The following LEO1 variants were observed in gnomAD, a reference collection of about 807,000 sequenced individuals.
LEO1 encodes LEO1 component of Paf1/RNA polymerase II complex.
In LEO1, 34 loss-of-function variants were observed where a neutral mutation model predicts 80.4. That is an observed-to-expected ratio of 0.42 (90% CI 0.32 to 0.56). LEO1 has a LOEUF of 0.56. Ranked by LOEUF, LEO1 falls within the 20% of genes least tolerant of loss-of-function variation. LEO1 has a pLI of 0.10. For missense variants in LEO1, 631 were observed against 814.2 expected (o/e 0.77, Z 2.74); for synonymous variants, 262 against 274.9 (o/e 0.95, Z 0.46).
Position 51,966,431 on chromosome 15 carries a change from T to G in LEO1, c.132A>C (p.Glu44Asp). Residue 44 changes from glutamate to aspartate, a missense_variant, in exon 2 of 12, where the codon GAA becomes GAC. Transcript: ENST00000299601. ...AATCACCTCTTTCATCCTGATCACT[T>G]TCACTTCCAGAGGCATTACTGCCAG... is the stretch of plus-strand genomic sequence containing the variant. ...AASGSNASGS[E>D]SDQDERGDSG... The G allele has an allele frequency of 6.2e-7, 1 of 1,614,134 alleles. No homozygotes were observed. Among genetic ancestry groups the G allele is most frequent in the Non-Finnish European group, 8.5e-7 (1 of 1,179,980 alleles).
intron 2 of LEO1, 94 bp from the exon 3 acceptor site, chr15:51,962,587 C>A: frequency 2.7e-6 from 2 of 751,056 alleles, no homozygotes; most frequent in Non-Finnish European, 2.3e-6. Flanking sequence ...AATTGTGATA[C>A]AATGGACTAC....
chr15:51,943,740 T>A (rs2056876298), intron 11 of LEO1, among the ~76,000 whole-genome samples: 1 of 142,700 alleles, frequency 7.0e-6, no homozygotes, highest in African/African-American at 2.6e-5. Flanking sequence ...TAACAATGTA[T>A]TAGCAAGACA....
At chr15:51,967,766 C>T (rs556937562) in intron 1 of LEO1, among the ~76,000 whole-genome samples, 1 of 152,348 alleles carries the variant, frequency 6.6e-6, no homozygotes, top group East Asian at 1.9e-4. Context: ...AAAAGAAAGA[C>T]TGTCAACCAA....
intron 11 of LEO1, among the ~76,000 whole-genome samples, chr15:51,941,751 ACT>A (rs2056854899): frequency 6.6e-6 from 1 of 152,182 alleles, no homozygotes; most frequent in Non-Finnish European, 1.5e-5. Context: ...GGTAACTTAG[ACT>A]CTGTTGGAAA....
rs529824381 is a variant in LEO1, at chr15:51,944,120, G to C, written c.1896+3172C>G. Reference sequence around the variant, plus strand: ...ACACATCCAAGAAACTCAACAAATTGCAAGTAGAATAAATGCAAAGAGAAC... The same window carrying C: ...ACACATCCAAGAAACTCAACAAATTCCAAGTAGAATAAATGCAAAGAGAAC... On this transcript the variant is annotated intron_variant, in intron 11 of 11. Transcript: ENST00000299601. Among the ~76,000 whole-genome samples the C allele has an allele frequency of 1.2e-4, 18 of 152,286 alleles. No homozygotes were observed. The East Asian group carries it at 1.9e-3, about 16-fold the overall frequency.
At position 51,966,303 on chromosome 15, in the gene LEO1, C is replaced by G. The variant is rs759633387; in HGVS notation, c.260G>C (p.Arg87Thr). 1 of 1,614,164 alleles carries G rather than the reference C, an allele frequency of 6.2e-7. No individual in the cohort carries two copies. Among genetic ancestry groups the G allele is most frequent in the Non-Finnish European group, 8.5e-7 (1 of 1,180,028 alleles). Residue 87 changes from arginine (R) to threonine (T), a missense_variant, in exon 2 of 12, where the codon AGA (arginine) becomes ACA (threonine). Physicochemically the swap from Arg to Thr is moderately conservative, Grantham distance 71. Transcript: ENST00000299601. ...GTCAGAACGCTCAGAAGCTTCTGAT[C>G]TATTGTCTGATCTTTCAGAGTGATT... ...SDNHSERSDN[R>T]SEASERSDHE...
At chr15:51,939,036 T>C (rs2056825106) in intron 11 of LEO1, among the ~76,000 whole-genome samples, 3 of 151,984 alleles carry the variant, frequency 2.0e-5, no homozygotes. Flanking sequence ...AATACAAAAA[T>C]TAGCCAGGTG....
intron 10 of LEO1, among the ~76,000 whole-genome samples, chr15:51,949,569 G>T (rs533176960): frequency 3.3e-5 from 5 of 151,348 alleles, no homozygotes; most frequent in Non-Finnish European, 7.4e-5. Flanking sequence ...GTGTGGTGGC[G>T]CACACCTGTA....
chr15:51,965,864 T>C lies in LEO1; in HGVS notation c.699A>G (p.Glu233=). The C allele has an allele frequency of 6.2e-7, 1 of 1,614,122 alleles. No individual in the cohort carries two copies. Among genetic ancestry groups the C allele is most frequent in the South Asian group, 1.1e-5 (1 of 91,076 alleles). The change falls in exon 2 of 12, where the codon GAA becomes GAG. Residue 233 remains glutamate (E), a synonymous_variant. Transcript: ENST00000299601. ...DDEKQNSDDE[E]QPQLSDEEKM... ...TCTCTTCATCAGACAGCTGTGGTTG[T>C]TCTTCATCATCAGAATTCTGTTTCT...
intron 1 of LEO1, among the ~76,000 whole-genome samples, chr15:51,967,386 T>G (rs779317099): frequency 5.3e-5 from 8 of 152,114 alleles, no homozygotes; most frequent in Non-Finnish European, 1.0e-4. Flanking sequence ...AACAGGAAAA[T>G]CGCTTGGATC....
intron 6 of LEO1, among the ~76,000 whole-genome samples, chr15:51,958,448 G>A (rs780011192): frequency 1.3e-5 from 2 of 152,116 alleles, no homozygotes; most frequent in Admixed American, 6.6e-5. Context: ...GAGCAAGACC[G>A]TGTCTCAAAA....
chr15:51,964,197 C>A (rs1259130194), intron 2 of LEO1, among the ~76,000 whole-genome samples: 7 of 151,144 alleles, frequency 4.6e-5, no homozygotes, highest in Non-Finnish European at 8.9e-5. Context: ...CAGAGCGAGA[C>A]TCCGTCTCAA....
chr15:51,940,062 T>G (rs1404361785), intron 11 of LEO1, among the ~76,000 whole-genome samples: 1 of 143,336 alleles, frequency 7.0e-6, no homozygotes, highest in Admixed American at 7.0e-5. Flanking sequence ...GAAACCAGCC[T>G]GACCAAGACA....
intron 8 of LEO1, 167 bp from the exon 9 acceptor site, chr15:51,952,146 T>C (rs2056954366): frequency 1.9e-6 from 1 of 521,540 alleles, no homozygotes; most frequent in Admixed American, 3.7e-5. Flanking sequence ...GTGAGTTTTC[T>C]TCATTCTGTG....
intron 1 of LEO1, among the ~76,000 whole-genome samples, chr15:51,971,022 A>G (rs1320452816): frequency 6.6e-6 from 1 of 152,084 alleles, no homozygotes; most frequent in Non-Finnish European, 1.5e-5. Context: ...ATGCACATAC[A>G]CTAATTCATT....
intron 11 of LEO1, among the ~76,000 whole-genome samples, chr15:51,944,943 A>T (rs2056886481): frequency 6.6e-6 from 1 of 151,958 alleles, no homozygotes; most frequent in Admixed American, 6.6e-5. Context: ...CAAAGCCTCT[A>T]CTCTCTCAGC....
chr15:51,960,499 A>C (rs1465443480), intron 4 of LEO1, 140 bp downstream of exon 4: 1 of 611,658 alleles, frequency 1.6e-6, no homozygotes, highest in African/African-American at 1.9e-5. Context: ...AGTTCCCTAC[A>C]TAATGAAGAA....
intron 2 of LEO1, among the ~76,000 whole-genome samples, chr15:51,964,189 G>C (rs1333378720): frequency 1.3e-5 from 2 of 151,566 alleles, no homozygotes; most frequent in South Asian, 2.1e-4. Flanking sequence ...CTGGGAGACA[G>C]AGCGAGACTC....
At chr15:51,950,078 G>T in intron 9 of LEO1, 84 bp from the exon 10 acceptor site, 1 of 1,120,306 alleles carries the variant, frequency 8.9e-7, no homozygotes, top group Non-Finnish European at 1.3e-6. Flanking sequence ...CAAATAGCAT[G>T]TAATGTCTGG....
Sources: allele counts gnomAD v4.1 joint callset (sites outside exome capture counted in the v4.1 genomes callset), GRCh38; gene constraint gnomAD v4.1.1; transcripts MANE v1.5; gene names NCBI Gene and HGNC (gene_info 2026-07-23, HGNC 2026-07-21).